The following CLTB variants were observed in gnomAD, a reference collection of about 807,000 sequenced individuals.
CLTB encodes the protein clathrin light chain B.
CLTB carries 10 observed loss-of-function variants against 30.5 expected under a neutral mutation model. That is an observed-to-expected ratio of 0.33 (90% CI 0.20 to 0.56). The LOEUF (loss-of-function observed/expected upper bound fraction) is 0.56. CLTB is among the 20% of genes least tolerant of loss of function. The pLI is 0.91. For synonymous variants in CLTB, 102 were observed against 120.3 expected (o/e 0.85, Z 1.00); for missense variants, 261 against 308.3 (o/e 0.85, Z 1.15).
intron 1 of CLTB, among the ~76,000 whole-genome samples, chr5:176,415,211 A>G (rs1360385807): frequency 6.6e-6 from 1 of 152,244 alleles, no homozygotes; most frequent in Non-Finnish European, 1.5e-5. Context: ...ACAGTAAATC[A>G]TAATAGCCCC....
intron 3 of CLTB, 84 bp from the exon 4 acceptor site, chr5:176,397,802 G>A: frequency 6.6e-7 from 1 of 1,511,608 alleles, no homozygotes; most frequent in Non-Finnish European, 9.2e-7. Context: ...CCCCTGCCAG[G>A]CAGCCACAGG....
Position 176,410,246 on chromosome 5 carries a change from G to T in CLTB, c.234+11C>A. 2 of 1,613,400 alleles carry T rather than the reference G, an allele frequency of 1.2e-6. No homozygotes were observed. The highest frequency in any genetic ancestry group is 1.7e-6 in the Non-Finnish European group (2 of 1,179,428). ...TGGTCCTTACCACTGCTGAGACAGAGCCTTGCTTACCTGAAACACATCTCC... is the reference window on the plus strand; with the variant it reads ...TGGTCCTTACCACTGCTGAGACAGATCCTTGCTTACCTGAAACACATCTCC... On this transcript the variant is annotated intron_variant, in intron 2 of 5. Transcript: ENST00000310418.
rs774270072 is a variant in CLTB, at chr5:176,398,038, C to T, written c.244G>A (p.Gly82Ser). The T allele has an allele frequency of 1.2e-5, 20 of 1,613,876 alleles. No homozygotes were observed. Among genetic ancestry groups the T allele is most frequent in the East Asian group, 2.2e-5 (1 of 44,864 alleles). The change falls in exon 3 of 6, where the codon GGT (glycine) becomes AGT (serine). Residue 82 changes from glycine to serine, a missense_variant. Coordinates refer to ENST00000310418, the MANE Select transcript of CLTB (RefSeq NM_007097.5). ...ATGGCTGCGTAGCCATCAGCAGGAC[C>T]GTTGGCCTCCTAGAACACAAACACG... Reference protein sequence around the residue: ...VNGDVFQEANGPADGYAAIAQ... With the variant: ...VNGDVFQEANSPADGYAAIAQ...
intron 2 of CLTB, chr5:176,406,578 C>T (rs772027074): frequency 7.0e-6 from 9 of 1,288,732 alleles, no homozygotes; most frequent in South Asian, 2.5e-5. Context: ...GGTGGGGAGG[C>T]GGAGTCCTGC....
In CLTB at chr5:176,392,819, C is replaced by G; in HGVS notation, c.645G>C (p.Leu215=). ...GCTTCAGGGACATGAGCACCGAGCG[C>G]AGGCGGGACACATCTTTGCACTGCT... ...SSKQCKDVSR[L]RSVLMSLKQT... The change falls in exon 6 of 6, where the codon CTG becomes CTC. Residue 215 remains leucine (L), a synonymous_variant. Coordinates refer to ENST00000310418, the MANE Select transcript of CLTB (RefSeq NM_007097.5). The surrounding 1 kb of genome is among the most constrained non-coding windows in gnomAD (Gnocchi z 5.2). 6.2e-7 allele frequency: 1 copy of G among 1,614,252 alleles called. No individual in the cohort carries two copies. The highest frequency in any genetic ancestry group is 8.5e-7 in the Non-Finnish European group (1 of 1,180,048).
At chr5:176,397,868 C>T in intron 3 of CLTB, 62 bp downstream of exon 3, 1 of 1,500,880 alleles carries the variant, frequency 6.7e-7, no homozygotes, top group Non-Finnish European at 9.3e-7. Flanking sequence ...ACTCCGAGGA[C>T]TCCCCACACT....
chr5:176,411,685 G>A (rs886313260), intron 1 of CLTB, among the ~76,000 whole-genome samples: 7 of 152,108 alleles, frequency 4.6e-5, no homozygotes, highest in African/African-American at 1.2e-4. Flanking sequence ...ACAGTCCCTG[G>A]AACATAACAA....
chr5:176,399,910 G>C (rs1756730350), intron 2 of CLTB, among the ~76,000 whole-genome samples: 1 of 147,474 alleles, frequency 6.8e-6, no homozygotes, highest in Non-Finnish European at 1.5e-5. Flanking sequence ...AATGGGAATA[G>C]ACCGGGCACA....
chr5:176,401,455 GA>G (rs1756812764), intron 2 of CLTB, among the ~76,000 whole-genome samples: 1 of 152,182 alleles, frequency 6.6e-6, no homozygotes, highest in Admixed American at 6.5e-5. Flanking sequence ...TGGGTGTTTT[GA>G]CAGGAATCCT....
Position 176,415,965 on chromosome 5 carries a change from T to TC in CLTB, c.187+211dup, listed in dbSNP as rs142933072. Among the ~76,000 whole-genome samples, 603 of 152,292 alleles carry TC rather than the reference T, an allele frequency of 4.0e-3. 3 individuals are homozygous for TC. The highest frequency in any genetic ancestry group is 0.014 in the African/African-American group (565 of 41,568). On this transcript the variant is annotated intron_variant, in intron 1 of 5. Transcript: ENST00000310418. ...ATGAAATGTCATGACCGAATTCCTG[T>TC]CCCGGGAGTCACCAGATCCACAGCC...
chr5:176,400,521 C>T (rs1004623754), intron 2 of CLTB, among the ~76,000 whole-genome samples: 11 of 152,182 alleles, frequency 7.2e-5, no homozygotes, highest in Admixed American at 2.6e-4. Flanking sequence ...CGCTGAGCAC[C>T]GTGAGCTCTG....
At position 176,416,349 on chromosome 5, in the gene CLTB, A is replaced by C. The variant is rs767330017; in HGVS notation, c.15T>G (p.Phe5Leu). 3 of 1,598,528 alleles carry C rather than the reference A, an allele frequency of 1.9e-6. No homozygotes were observed. Among genetic ancestry groups the C allele is most frequent in the Non-Finnish European group, 2.6e-6 (3 of 1,174,696 alleles). The change falls in exon 1 of 6, where the codon TTT (phenylalanine) becomes TTG (leucine). Residue 5 changes from phenylalanine (F) to leucine (L), a missense_variant. By Grantham distance (22) the Phe-to-Leu change is conservative. Around this residue, in one of 3 missense-constraint regions of CLTB, gnomAD observed 113 missense variants for 102.5 expected, o/e 1.10. Transcript: ENST00000310418. MADDFGFFSSSESGA... is the reference protein window; with the variant it reads MADDLGFFSSSESGA... The stretch of plus-strand genomic sequence containing the variant: ...CGCTCTCCGACGACGAGAAGAAGCC[A>C]AAGTCATCAGCCATTTTCCCCGCGC...
chr5:176,400,609 G>A (rs759832736), intron 2 of CLTB, among the ~76,000 whole-genome samples: 50 of 152,086 alleles, frequency 3.3e-4, no homozygotes, highest in African/African-American at 7.0e-4. Context: ...TGGCACCCAC[G>A]CCCTCCGCAT....
intron 2 of CLTB, among the ~76,000 whole-genome samples, chr5:176,404,322 A>T (rs1213759787): frequency 2.6e-5 from 4 of 152,118 alleles, no homozygotes; most frequent in Non-Finnish European, 5.9e-5. Context: ...GCACCCCCAC[A>T]CACCACCCTC....
rs1263563615 is a variant in CLTB, at chr5:176,392,657, G to A, written c.*117C>T. The A allele has an allele frequency of 2.4e-5, 29 of 1,208,384 alleles. No homozygotes were observed. Among genetic ancestry groups the A allele is most frequent in the Non-Finnish European group, 3.3e-5 (28 of 856,036 alleles). The allele number at this position is 1,208,384 out of a possible 1,614,324, so 74.9% of individuals were successfully genotyped here. ...CCCCCTCCCAGCGCCTGGAGATGGG[G>A]AGGAGTGGAATAGGCTGTGGGTAGC... On this transcript the variant is annotated 3_prime_UTR_variant, in exon 6 of 6. Coordinates refer to ENST00000310418, the MANE Select transcript of CLTB (RefSeq NM_007097.5). The surrounding 1 kb of genome is among the most constrained non-coding windows in gnomAD (Gnocchi z 5.2).
At chr5:176,406,605 T>C in intron 2 of CLTB, 9 of 1,289,398 alleles carry the variant, frequency 7.0e-6, no homozygotes, top group Non-Finnish European at 9.1e-6. Flanking sequence ...CTTCTGTCCC[T>C]GCCCCTGGCT....
intron 5 of CLTB, among the ~76,000 whole-genome samples, chr5:176,394,259 G>A (rs1217348558): frequency 6.6e-6 from 1 of 152,206 alleles, no homozygotes; most frequent in East Asian, 1.9e-4. Context: ...AGCGTCCATG[G>A]TCCAATGGCA....
intron 2 of CLTB, among the ~76,000 whole-genome samples, chr5:176,400,812 C>T (rs1176467584): frequency 6.6e-6 from 1 of 152,228 alleles, no homozygotes; most frequent in Non-Finnish European, 1.5e-5. Flanking sequence ...GCCCACCTAT[C>T]CTTAGTGCCT....
rs752994831 is a variant in CLTB at position 176,397,730 on chromosome 5, C to A, written c.353-12G>T. The A allele has an allele frequency of 6.2e-7, 1 of 1,610,136 alleles. No individual in the cohort carries two copies. The highest frequency in any genetic ancestry group is 8.5e-7 in the Non-Finnish European group (1 of 1,176,454). Reference sequence around the variant, plus strand: ...CTTAGATGCAGCATCTAGGACCCCACAAGAGAATGAGTGGCTGCTTTCCAG... The same window carrying A: ...CTTAGATGCAGCATCTAGGACCCCAAAAGAGAATGAGTGGCTGCTTTCCAG... On this transcript the variant is annotated splice_polypyrimidine_tract_variant and intron_variant, in intron 3 of 5. Transcript: ENST00000310418.
Sources: gnomAD v4.1 joint callset for allele counts (sites outside exome capture counted in the v4.1 genomes callset) on GRCh38, gnomAD v4.1.1 for gene constraint, gnomAD v4.1.1 regional missense constraint, Gnocchi (gnomAD v3.1) non-coding constraint, MANE v1.5 for transcripts, NCBI Gene and HGNC (gene_info 2026-07-23, HGNC 2026-07-21) for gene names.